Variants in CORIN observed in about 807,000 individuals in gnomAD.
CORIN encodes the protein atrial natriuretic peptide-converting enzyme.
A neutral mutation model predicts 125.3 loss-of-function variants in CORIN; 117 were observed. The ratio of observed to expected loss-of-function variants is 0.93; its 90% CI spans 0.80 to 1.09. The LOEUF is 1.09. Ranked by LOEUF, CORIN falls within the 50% of genes least tolerant of loss-of-function variation. The pLI is 0.00. For synonymous variants in CORIN, 450 were observed against 466.4 expected (o/e 0.96, Z 0.45); for missense variants, 1,253 against 1,306.7 (o/e 0.96, Z 0.63).
At chr4:47,804,748 GT>G (rs1467189124) in intron 2 of CORIN, among the ~76,000 whole-genome samples, 1 of 148,472 alleles carries the variant, frequency 6.7e-6, no homozygotes, top group Non-Finnish European at 1.5e-5. Flanking sequence ...GGGGGGGGTT[GT>G]TAATGGGTAC....
chr4:47,786,832 G>T lies in CORIN; in HGVS notation c.302C>A (p.Thr101Lys), dbSNP rs576023507. 13 of 1,613,474 alleles carry T rather than the reference G, an allele frequency of 8.1e-6. No homozygotes were observed. The highest frequency in any genetic ancestry group is 1.7e-5 in the Admixed American group (1 of 60,018). Reference protein sequence around the residue: ...IQGSDVILTNTIYNQSTVVST... With the variant: ...IQGSDVILTNKIYNQSTVVST... ...CACCACAGTGCTCTGGTTATAAATT[G>T]TATTTGTAAGAATAACATCGGACCC... Residue 101 changes from threonine to lysine, a missense_variant, in exon 3 of 22, where the codon ACA becomes AAA. Coordinates refer to ENST00000273857, the MANE Select transcript of CORIN (RefSeq NM_006587.4).
chr4:47,632,088 C>T (rs1359397019), intron 16 of CORIN: 1 of 152,124 alleles, frequency 6.6e-6, no homozygotes, highest in East Asian at 1.9e-4. Context: ...ATATCCCATG[C>T]TTGAATTATG....
intron 14 of CORIN, among the ~76,000 whole-genome samples, chr4:47,643,653 G>GT (rs1030688898): frequency 1.1e-4 from 16 of 151,322 alleles, no homozygotes; most frequent in African/African-American, 2.7e-4. Context: ...TGCATAATAA[G>GT]TTTTTTTTTC....
At chr4:47,779,552 C>A (rs1368936172) in intron 3 of CORIN, among the ~76,000 whole-genome samples, 1 of 151,860 alleles carries the variant, frequency 6.6e-6, no homozygotes, top group Non-Finnish European at 1.5e-5. Context: ...TCTCCTGCCT[C>A]AGCCTCCCGA....
intron 14 of CORIN, 77 bp from the exon 15 acceptor site, chr4:47,643,333 T>A (rs1266680255): frequency 1.5e-6 from 2 of 1,345,106 alleles, no homozygotes; most frequent in Non-Finnish European, 2.0e-6. Context: ...CATATCTTCA[T>A]GTGCCAGCAG....
At chr4:47,703,015 C>T (rs1307793018) in intron 5 of CORIN, among the ~76,000 whole-genome samples, 2 of 152,004 alleles carry the variant, frequency 1.3e-5, no homozygotes, top group Admixed American at 1.3e-4. Context: ...GTGTGCTGCA[C>T]CCATCAACCC....
At chr4:47,642,479 A>G (rs1322655537) in intron 15 of CORIN, among the ~76,000 whole-genome samples, 3 of 152,224 alleles carry the variant, frequency 2.0e-5, no homozygotes, top group Admixed American at 2.0e-4. Context: ...TATATGTGTT[A>G]ATTCCTATTA....
chr4:47,692,462 G>T (rs977970440), intron 6 of CORIN, among the ~76,000 whole-genome samples: 5 of 151,802 alleles, frequency 3.3e-5, no homozygotes, highest in African/African-American at 1.2e-4. Context: ...CAATCAATGG[G>T]GAATAAATTG....
intron 6 of CORIN, among the ~76,000 whole-genome samples, chr4:47,689,393 TG>T (rs778226682): frequency 2.2e-4 from 34 of 152,198 alleles, no homozygotes; most frequent in Non-Finnish European, 4.7e-4. Context: ...AGGCAGGAAA[TG>T]GTAAGATCGA....
chr4:47,644,195 C>G (rs906545410), intron 14 of CORIN, among the ~76,000 whole-genome samples: 2 of 152,210 alleles, frequency 1.3e-5, no homozygotes, highest in Admixed American at 6.5e-5. Context: ...CTGAGCGAAT[C>G]CCTTAATGAT....
At position 47,712,991 on chromosome 4, in the gene CORIN, G is replaced by C. The variant is rs139873725; in HGVS notation, c.800-19908C>G. Among the ~76,000 whole-genome samples, 27 of 152,194 alleles carry C rather than the reference G, an allele frequency of 1.8e-4. No homozygotes were observed. The East Asian group carries it at 4.8e-3, about 27-fold the overall frequency. ...GAAGAAATAAGTTTTGCTTTTACAG[G>C]ATTAACTTTATAGTAGATAATACGC... is the stretch of plus-strand genomic sequence containing the variant. On this transcript the variant is annotated intron_variant, in intron 5 of 21. Transcript: ENST00000273857.
At chr4:47,742,291 T>C (rs1728442254) in intron 5 of CORIN, among the ~76,000 whole-genome samples, 1 of 151,912 alleles carries the variant, frequency 6.6e-6, no homozygotes, top group Non-Finnish European at 1.5e-5. Flanking sequence ...GAAAACCTTC[T>C]TCCTGACATA....
At chr4:47,773,355 T>A (rs1730145787) in intron 3 of CORIN, among the ~76,000 whole-genome samples, 1 of 152,340 alleles carries the variant, frequency 6.6e-6, no homozygotes, top group African/African-American at 2.4e-5. Flanking sequence ...GAGATCTCAG[T>A]AGACTTTCAG....
At chr4:47,667,309 A>G (rs545899897) in intron 10 of CORIN, among the ~76,000 whole-genome samples, 1 of 152,132 alleles carries the variant, frequency 6.6e-6, no homozygotes, top group East Asian at 1.9e-4. Context: ...GTGAAAACAG[A>G]CTAACACTCC....
At chr4:47,603,737 T>G in intron 19 of CORIN, 69 bp from the exon 20 acceptor site, 1 of 1,504,742 alleles carries the variant, frequency 6.6e-7, no homozygotes, top group Non-Finnish European at 9.0e-7. Context: ...CACATGTAAT[T>G]TTAAAACATT....
intron 4 of CORIN, among the ~76,000 whole-genome samples, chr4:47,757,905 T>TATATATAC (rs1471519610): frequency 1.8e-4 from 25 of 141,682 alleles, no homozygotes; most frequent in African/African-American, 5.6e-4. Flanking sequence ...TATATATATA[T>TATATATAC]ACACAAATAT....
In CORIN at chr4:47,594,902, A is replaced by G. The variant is rs1015969264; in HGVS notation, c.*819T>C. 2.0e-5 allele frequency: 3 copies of G among 152,334 alleles called. No individual in the cohort carries two copies. Among genetic ancestry groups the G allele is most frequent in the African/African-American group, 7.2e-5 (3 of 41,582 alleles). The allele number at this position is 152,334 out of a possible 1,614,324, so 9.4% of individuals were successfully genotyped here. A position where few individuals can be genotyped will look rare whatever the true frequency, so the allele number is the denominator to read the frequency against. The stretch of plus-strand genomic sequence containing the variant: ...AGGACAGTTCTATAGAGACTCTTCT[A>G]TAAAATTATGATCTTGATATACATC... On this transcript the variant is annotated 3_prime_UTR_variant, in exon 22 of 22. Transcript: ENST00000273857.
intron 1 of CORIN, among the ~76,000 whole-genome samples, chr4:47,818,193 A>G (rs1732354401): frequency 1.3e-5 from 2 of 152,232 alleles, no homozygotes; most frequent in Admixed American, 1.3e-4. Flanking sequence ...AAAAGTGTTG[A>G]CTAAACTACT....
chr4:47,623,025 G>A (rs917112473), intron 19 of CORIN, among the ~76,000 whole-genome samples: 2 of 148,178 alleles, frequency 1.3e-5, no homozygotes, highest in African/African-American at 5.0e-5. Flanking sequence ...CTTCTGCTAT[G>A]ACAAGGCTGC....
Sources: gnomAD v4.1 joint callset for allele counts (sites outside exome capture counted in the v4.1 genomes callset) on GRCh38, gnomAD v4.1.1 for gene constraint, MANE v1.5 for transcripts, NCBI Gene and HGNC (gene_info 2026-07-23, HGNC 2026-07-21) for gene names.